The following EFHC2 variants were observed in gnomAD, a reference collection of about 807,000 sequenced individuals.
The protein encoded by EFHC2 is EF-hand domain-containing family member C2.
A neutral mutation model predicts 52.7 loss-of-function variants in EFHC2; 18 were observed. The ratio of observed to expected loss-of-function variants is 0.34; its 90% CI spans 0.24 to 0.51. The LOEUF (loss-of-function observed/expected upper bound fraction) is 0.51. EFHC2 is among the 20% of genes least tolerant of loss of function. The probability of loss-of-function intolerance (pLI) is 0.97; values close to 1 mark genes in which losing one functional copy is unlikely to be tolerated. For synonymous variants in EFHC2, 203 were observed against 204.1 expected (o/e 0.99, Z 0.04); for missense variants, 513 against 562.5 (o/e 0.91, Z 0.89).
intron 11 of EFHC2, among the ~76,000 whole-genome samples, chrX:44,180,684 G>C (rs1272877868): frequency 9.1e-6 from 1 of 110,252 alleles, no homozygotes; most frequent in African/African-American, 3.3e-5. Flanking sequence ...GGTTGCGGTA[G>C]CTGAGATCAT....
At chrX:44,275,525 C>A (rs2037649560) in intron 2 of EFHC2, among the ~76,000 whole-genome samples, 1 of 109,917 alleles carries the variant, frequency 9.1e-6, no homozygotes, top group South Asian at 3.9e-4. Flanking sequence ...GAAAACAGAA[C>A]CTAAAATAAA....
intron 2 of EFHC2, among the ~76,000 whole-genome samples, chrX:44,299,184 T>C (rs991899841): frequency 2.7e-5 from 3 of 111,252 alleles, no homozygotes; most frequent in Admixed American, 9.6e-5. Flanking sequence ...CCCCCAGCCA[T>C]CTGAACAGAT....
intron 11 of EFHC2, among the ~76,000 whole-genome samples, chrX:44,228,707 G>A (rs1036382587): frequency 9.0e-6 from 1 of 111,424 alleles, no homozygotes; most frequent in African/African-American, 3.3e-5. Context: ...CTAATGGTGG[G>A]CTCCAGGCCA....
intron 11 of EFHC2, among the ~76,000 whole-genome samples, chrX:44,195,444 GTTT>G (rs61127028): frequency 2.7e-5 from 3 of 109,396 alleles, no homozygotes; most frequent in Middle Eastern, 4.3e-3. Flanking sequence ...TTGCTGTTTT[GTTT>G]TTTTGTTTTT....
chrX:44,310,098 AT>A, intron 2 of EFHC2: 3 of 712,502 alleles, frequency 4.2e-6, no homozygotes, highest in Non-Finnish European at 6.8e-6. Context: ...AACATGGGAT[AT>A]AAAATATCTC....
At chrX:44,214,639 C>T (rs996169640) in intron 11 of EFHC2, among the ~76,000 whole-genome samples, 1 of 111,754 alleles carries the variant, frequency 8.9e-6, no homozygotes, top group Non-Finnish European at 1.9e-5. Flanking sequence ...GAAAGGAATT[C>T]TCTAGGTAAA....
intron 3 of EFHC2, among the ~76,000 whole-genome samples, chrX:44,268,819 T>C (rs1335717260): frequency 2.7e-5 from 3 of 111,997 alleles, no homozygotes; most frequent in Admixed American, 1.9e-4. Flanking sequence ...CCCTAAAGAA[T>C]CTAAAACCTC....
In EFHC2 at chrX:44,230,714, G is replaced by GA. The variant is rs577352966; in HGVS notation, c.1621-936dup. Among the ~76,000 whole-genome samples the GA allele has an allele frequency of 4.4e-4, 47 of 107,825 alleles. No individual in the cohort carries two copies. In the South Asian group the frequency reaches 0.011, roughly 26 times the overall value. 93.6% of individuals were successfully genotyped at this position (107,825 alleles called of 115,157 possible). A position where few individuals can be genotyped will look rare whatever the true frequency, so the allele number is the denominator to read the frequency against. ...TACCCTGCTTTTATTGTCCTCAAAGGAAAAAAAAACCTTTATATCTTATAT... is the reference window on the plus strand; with the variant it reads ...TACCCTGCTTTTATTGTCCTCAAAGGAAAAAAAAAACCTTTATATCTTATAT... On this transcript the variant is annotated intron_variant, in intron 10 of 14. Transcript: ENST00000420999.
At chrX:44,250,986 C>T (rs1417701119) in intron 4 of EFHC2, among the ~76,000 whole-genome samples, 1 of 110,025 alleles carries the variant, frequency 9.1e-6, no homozygotes, top group Admixed American at 9.7e-5. Flanking sequence ...CGCCTGTAAT[C>T]CCAGCACTTT....
In EFHC2 at chrX:44,294,249, CGTGTGTGTGTGTGTGTGT is replaced by C. The variant is rs200162737; in HGVS notation, c.231+18301_231+18318del. 1.3e-3 allele frequency among the ~76,000 whole-genome samples: 115 copies of C among 87,456 alleles called. 1 individual carries two copies. Among genetic ancestry groups the C allele is most frequent in the African/African-American group, 2.7e-3 (66 of 24,352 alleles). The allele number at this position is 87,456 out of a possible 115,157, so 75.9% of individuals were successfully genotyped here. A position where few individuals can be genotyped will look rare whatever the true frequency, so the allele number is the denominator to read the frequency against. ...AAGTTTTCAGATTTGGTATACTCAA[CGTGTGTGTGTGTGTGTGT>C]GTGTGTGTGTGTGTGTGTGTGTGTG... On this transcript the variant is annotated intron_variant, in intron 2 of 14. Transcript: ENST00000420999.
chrX:44,165,999 C>T (rs1025241238), intron 13 of EFHC2, among the ~76,000 whole-genome samples: 2 of 111,831 alleles, frequency 1.8e-5, no homozygotes, highest in African/African-American at 6.5e-5. Context: ...TCATCTTGGT[C>T]TTGGACATCC....
At chrX:44,334,566 C>G (rs1282969924) in intron 1 of EFHC2, among the ~76,000 whole-genome samples, 1 of 112,166 alleles carries the variant, frequency 8.9e-6, no homozygotes, top group Non-Finnish European at 1.9e-5. Flanking sequence ...ACCTCTGCCT[C>G]CCAGGTTCAA....
chrX:44,310,442 G>T, intron 2 of EFHC2: 1 of 910,687 alleles, frequency 1.1e-6, no homozygotes, highest in Non-Finnish European at 1.5e-6. Context: ...CTGCGGGTCC[G>T]TAATGTGCAG....
At chrX:44,150,854 C>A (rs1333519246) in intron 14 of EFHC2, among the ~76,000 whole-genome samples, 1 of 111,136 alleles carries the variant, frequency 9.0e-6, no homozygotes, top group Non-Finnish European at 1.9e-5. Flanking sequence ...CAGAATGTGA[C>A]CTTGTTTGGA....
chrX:44,229,058 C>T (rs2037254957), intron 11 of EFHC2, among the ~76,000 whole-genome samples: 2 of 112,076 alleles, frequency 1.8e-5, no homozygotes, highest in African/African-American at 6.5e-5. Context: ...TGGATAGTCC[C>T]AGAATTCAGC....
chrX:44,274,936 T>TG (rs1464021600), intron 2 of EFHC2, among the ~76,000 whole-genome samples: 1 of 111,232 alleles, frequency 9.0e-6, no homozygotes, highest in Admixed American at 9.7e-5. Context: ...AAAAAGATGT[T>TG]GGAACACCTA....
intron 1 of EFHC2, among the ~76,000 whole-genome samples, chrX:44,321,356 G>C (rs1252447435): frequency 9.0e-6 from 1 of 111,036 alleles, no homozygotes; most frequent in East Asian, 2.8e-4. Flanking sequence ...AGACAAGCAA[G>C]TAGAAATGTG....
intron 1 of EFHC2, among the ~76,000 whole-genome samples, chrX:44,316,393 C>T (rs915146136): frequency 2.7e-5 from 3 of 112,085 alleles, no homozygotes; most frequent in Non-Finnish European, 1.9e-5. Context: ...TTGGGCAAGC[C>T]ACAGCTCCCA....
chrX:44,318,038 A>T (rs2037994251), intron 1 of EFHC2, among the ~76,000 whole-genome samples: 1 of 112,071 alleles, frequency 8.9e-6, no homozygotes, highest in Non-Finnish European at 1.9e-5. Flanking sequence ...TTCTCAGGAG[A>T]ATTGAAAACA....
Sources: allele counts gnomAD v4.1 joint callset (sites outside exome capture counted in the v4.1 genomes callset), GRCh38; gene constraint gnomAD v4.1.1; transcripts MANE v1.5; gene names NCBI Gene and HGNC (gene_info 2026-07-23, HGNC 2026-07-21).